The following DRD4 variants were observed in gnomAD, a reference collection of about 807,000 sequenced individuals.
The protein encoded by DRD4 is dopamine receptor D4, also known as D(4) dopamine receptor.
In DRD4, 26 loss-of-function variants were observed where a neutral mutation model predicts 22.1. The observed-to-expected ratio is 1.17, with a 90% confidence interval of 0.86 to 1.63. DRD4 has a LOEUF of 1.63. Among genes scored for constraint, DRD4 ranks in the 40% most tolerant of loss-of-function variants. The pLI, the probability that DRD4 is intolerant of heterozygous loss-of-function variation, is 0.00. For missense variants in DRD4, 913 were observed against 632.4 expected (o/e 1.44, Z -4.76); for synonymous variants, 455 against 306.7 (o/e 1.48, Z -5.05).
Position 639,929 on chromosome 11 carries a change from GCGCCAAGCTGCACGGCCGCGCGCCC to G in DRD4, c.685_709del (p.Lys229AspfsTer109). 6.5e-7 allele frequency: 1 copy of G among 1,543,570 alleles called. No individual in the cohort carries two copies. The highest frequency in any genetic ancestry group is 8.7e-7 in the Non-Finnish European group (1 of 1,153,896). Reference sequence around the variant, plus strand: ...CTGCAGCGCTGGGAGGTGGCACGTCGCGCCAAGCTGCACGGCCGCGCGCCCCGCCGACCCAGCGGCCCTGGCCCGC... The same window carrying G: ...CTGCAGCGCTGGGAGGTGGCACGTCGCGCCGACCCAGCGGCCCTGGCCCGC... On this transcript the variant is annotated frameshift_variant, in exon 3 of 4. Transcript: ENST00000176183. LOFTEE classifies it high-confidence loss of function.
chr11:638,283 C>G lies in DRD4; in HGVS notation c.285+694C>G, dbSNP rs557275192. The stretch of plus-strand genomic sequence containing the variant: ...GCAGCTTAGGGCTGAGCTGGAGACG[C>G]GGTGTCCCCGACTGTGGGGGAGGGG... On this transcript the variant is annotated intron_variant, in intron 1 of 3. Transcript: ENST00000176183. Among the ~76,000 whole-genome samples the G allele has an allele frequency of 5.2e-3, 787 of 152,300 alleles. 1 individual carries two copies. The highest frequency in any genetic ancestry group is 8.3e-3 in the Non-Finnish European group (563 of 68,022).
At chr11:637,632 G>T (rs564644007) in intron 1 of DRD4, 43 bp downstream of exon 1, 2 of 1,536,904 alleles carry the variant, frequency 1.3e-6, no homozygotes, top group Non-Finnish European at 8.7e-7. Context: ...CCTGCTCCTC[G>T]GTTCCCCGTC....
rs957989602 is a variant in DRD4 at position 639,550 on chromosome 11, G to A, written c.398+5G>A. 55 of 1,507,684 alleles carry A rather than the reference G, an allele frequency of 3.6e-5. 2 individuals carry two copies. The highest frequency in any genetic ancestry group is 3.6e-4 in the East Asian group (13 of 35,874). 93.4% of individuals were successfully genotyped at this position (1,507,684 alleles called of 1,614,324 possible). ...GTGCGCCATCAGCGTGGACAGGTGC[G>A]CCGCCCTCCCCGCCCGCGCCCCGGC... On this transcript the variant is annotated splice_donor_5th_base_variant and intron_variant, in intron 2 of 3. Coordinates refer to ENST00000176183, the MANE Select transcript of DRD4 (RefSeq NM_000797.4).
chr11:639,085 A>G (rs932781823), intron 1 of DRD4: 2 of 254,186 alleles, frequency 7.9e-6, no homozygotes, highest in Non-Finnish European at 1.6e-5. Flanking sequence ...CTCCGTCTCA[A>G]AAAACAAAAA....
chr11:639,061 C>T (rs1589957753), intron 1 of DRD4: 2 of 277,650 alleles, frequency 7.2e-6, no homozygotes, highest in East Asian at 1.1e-4. Context: ...CCAGCCTGGG[C>T]AACAAGAGCG....
In DRD4 at chr11:640,490, A is replaced by G; in HGVS notation, c.1147A>G (p.Ser383Gly). The G allele has an allele frequency of 1.9e-6, 3 of 1,602,168 alleles. No individual in the cohort carries two copies. In the African/African-American group the frequency reaches 4.0e-5, roughly 21 times the overall value. Residue 383 changes from serine (S) to glycine (G), a missense_variant, in exon 4 of 4, where the codon AGC becomes GGC. Ser to Gly is a moderately conservative substitution (Grantham distance 56). Coordinates refer to ENST00000176183, the MANE Select transcript of DRD4 (RefSeq NM_000797.4). ...CTGCTCCGTGCCCCCGCGGCTGGTCAGCGCCGTCACCTGGCTGGGCTACGT... is the reference window on the plus strand; with the variant it reads ...CTGCTCCGTGCCCCCGCGGCTGGTCGGCGCCGTCACCTGGCTGGGCTACGT... ...PACSVPPRLVSAVTWLGYVNS... is the reference protein window; with the variant it reads ...PACSVPPRLVGAVTWLGYVNS...
intron 1 of DRD4, 185 bp from the exon 2 acceptor site, chr11:639,248 C>T: frequency 1.6e-6 from 1 of 621,804 alleles, no homozygotes; most frequent in South Asian, 1.8e-5. Flanking sequence ...CAGCGAGACC[C>T]TAACTCAAAA....
rs780489371 is a variant in DRD4 at position 639,817 on chromosome 11, C to T, written c.568C>T (p.Arg190Cys). Residue 190 changes from arginine (R) to cysteine (C), a missense_variant, in exon 3 of 4, where the codon CGC becomes TGC. Arg to Cys is a radical substitution (Grantham distance 180, BLOSUM62 -3). Coordinates refer to ENST00000176183, the MANE Select transcript of DRD4 (RefSeq NM_000797.4). ...RDPAVCRLED[R>C]DYVVYSSVCS... ...CCCCGCCGTGTGCCGCCTGGAGGAC[C>T]GCGACTACGTGGTCTACTCGTCCGT... The T allele has an allele frequency of 5.7e-6, 9 of 1,582,820 alleles. No homozygotes were observed. Among genetic ancestry groups the T allele is most frequent in the Non-Finnish European group, 7.7e-6 (9 of 1,172,538 alleles).
chr11:640,146 CG>C lies in DRD4; in HGVS notation c.899del (p.Gly300AlafsTer46). On this transcript the variant is annotated frameshift_variant, in exon 3 of 4. Transcript: ENST00000176183. LOFTEE classifies it high-confidence loss of function. ...GCCCCGACTGTGCGCCCCCCGCGCC[CG>C]GCCTCCCCCCGGACCCCTGCGGCTC... Reference protein sequence around the residue: ...CGPDCAPPAPGLPPDPCGSNC... With the variant: ...CGPDCAPPAPXLPPDPCGSNC... The C allele has an allele frequency of 6.8e-7, 1 of 1,474,256 alleles. No individual in the cohort carries two copies. Among genetic ancestry groups the C allele is most frequent in the Non-Finnish European group, 8.9e-7 (1 of 1,117,866 alleles). The allele number at this position is 1,474,256 out of a possible 1,614,324, so 91.3% of individuals were successfully genotyped here.
Position 639,505 on chromosome 11 carries a change from A to ACCGCCTCCATCTTCAACCTGTGCG in DRD4, c.361_384dup (p.Ala121_Ala128dup). On this transcript the variant is annotated inframe_insertion, in exon 2 of 4. Coordinates refer to ENST00000176183, the MANE Select transcript of DRD4 (RefSeq NM_000797.4). Reference sequence around the variant, plus strand: ...CATGGCCATGGACGTCATGCTGTGCACCGCCTCCATCTTCAACCTGTGCGC... The same window carrying ACCGCCTCCATCTTCAACCTGTGCG: ...CATGGCCATGGACGTCATGCTGTGCACCGCCTCCATCTTCAACCTGTGCGCCGCCTCCATCTTCAACCTGTGCGC... 6.2e-7 allele frequency: 1 copy of ACCGCCTCCATCTTCAACCTGTGCG among 1,603,092 alleles called. No homozygotes were observed. Among genetic ancestry groups the ACCGCCTCCATCTTCAACCTGTGCG allele is most frequent in the Non-Finnish European group, 8.5e-7 (1 of 1,178,818 alleles).
rs758752437 is a variant in DRD4, at chr11:637,550, C to T, written c.246C>T (p.Leu82=). 5 of 1,557,918 alleles carry T rather than the reference C, an allele frequency of 3.2e-6. No homozygotes were observed. Among genetic ancestry groups the T allele is most frequent in the Non-Finnish European group, 3.5e-6 (4 of 1,155,850 alleles). ...TGAGCCTGGCGGCCGCCGACCTCCT[C>T]CTCGCTCTCCTGGTGCTGCCGCTCT... The part of the protein sequence containing the change: ...FIVSLAAADL[L]LALLVLPLFV... The change falls in exon 1 of 4, where the codon CTC becomes CTT. Residue 82 remains leucine (L), a synonymous_variant. Transcript: ENST00000176183.
In DRD4 at chr11:639,339, G is replaced by A. The variant is rs567302754; in HGVS notation, c.286-94G>A. ...GGCTCACAGCCGGGCCCCCTTCTCC[G>A]TATTCAGCCCTGGAACTACCCATAA... is the stretch of plus-strand genomic sequence containing the variant. On this transcript the variant is annotated intron_variant, in intron 1 of 3. Transcript: ENST00000176183. The A allele has an allele frequency of 3.7e-4, 445 of 1,216,130 alleles. 3 individuals are homozygous for A. Among genetic ancestry groups the A allele is most frequent in the Middle Eastern group, 4.1e-4 (2 of 4,868 alleles). The allele number at this position is 1,216,130 out of a possible 1,614,324, so 75.3% of individuals were successfully genotyped here. A position where few individuals can be genotyped will look rare whatever the true frequency, so the allele number is the denominator to read the frequency against.
In DRD4 at chr11:638,238, C is replaced by T. The variant is rs12720395; in HGVS notation, c.285+649C>T. ...CGAGTGGGTCGGCCTTGGTGCCAGC[C>T]CCTCTGCGGCCAGAGAAAAGCAGCT... On this transcript the variant is annotated intron_variant, in intron 1 of 3. Coordinates refer to ENST00000176183, the MANE Select transcript of DRD4 (RefSeq NM_000797.4). Among the ~76,000 whole-genome samples, 529 of 152,282 alleles carry T rather than the reference C, an allele frequency of 3.5e-3. 2 individuals carry two copies. The highest frequency in any genetic ancestry group is 0.012 in the African/African-American group (502 of 41,550).
In DRD4 at chr11:637,457, G is replaced by A; in HGVS notation, c.153G>A (p.Gly51=). Residue 51 remains glycine (G), a synonymous_variant, in exon 1 of 4, where the codon GGG becomes GGA. Coordinates refer to ENST00000176183, the MANE Select transcript of DRD4 (RefSeq NM_000797.4). ...TGCTCATCGGCGCGGTGCTCGCGGG[G>A]AACTCGCTCGTGTGCGTGAGCGTGG... ...GVLLIGAVLA[G]NSLVCVSVAT... is the part of the protein sequence containing the mutation. 3 of 1,535,522 alleles carry A rather than the reference G, an allele frequency of 2.0e-6. No homozygotes were observed. The highest frequency in any genetic ancestry group is 1.4e-5 in the African/African-American group (1 of 73,126).
Position 639,546 on chromosome 11 carries a change from G to C in DRD4, c.398+1G>C, listed in dbSNP as rs755187423. On this transcript the variant is annotated splice_donor_variant, in intron 2 of 3. Transcript: ENST00000176183. LOFTEE classifies it high-confidence loss of function. ...ACCTGTGCGCCATCAGCGTGGACAG[G>C]TGCGCCGCCCTCCCCGCCCGCGCCC... The C allele has an allele frequency of 1.3e-6, 2 of 1,534,212 alleles. No homozygotes were observed. The highest frequency in any genetic ancestry group is 8.7e-7 in the Non-Finnish European group (1 of 1,147,226).
intron 1 of DRD4, among the ~76,000 whole-genome samples, chr11:638,591 A>G (rs1858122454): frequency 1.3e-5 from 2 of 152,148 alleles, no homozygotes; most frequent in African/African-American, 4.8e-5. Context: ...TGTGGATACT[A>G]TCATCACCCT....
rs749224739 is a variant in DRD4 at position 637,571 on chromosome 11, G to A, written c.267G>A (p.Pro89=). 10 of 1,553,736 alleles carry A rather than the reference G, an allele frequency of 6.4e-6. No homozygotes were observed. Among genetic ancestry groups the A allele is most frequent in the Non-Finnish European group, 7.8e-6 (9 of 1,153,530 alleles). The change falls in exon 1 of 4, where the codon CCG becomes CCA. Residue 89 remains proline, a synonymous_variant. Coordinates refer to ENST00000176183, the MANE Select transcript of DRD4 (RefSeq NM_000797.4). ...ADLLLALLVL[P]LFVYSEVQGG... ...TCCTCCTCGCTCTCCTGGTGCTGCC[G>A]CTCTTCGTCTACTCCGAGGTGAGCC...
At chr11:637,715 G>A (rs1490449840) in intron 1 of DRD4, 126 bp downstream of exon 1, 2 of 1,494,932 alleles carry the variant, frequency 1.3e-6, no homozygotes, top group African/African-American at 2.8e-5. Flanking sequence ...GCGGCGGCAG[G>A]GGCGCTGCGC....
intron 3 of DRD4, 22 bp downstream of exon 3, chr11:640,328 CGGGGAGGAGAGGAG>C: frequency 9.1e-7 from 1 of 1,094,310 alleles, no homozygotes; most frequent in Non-Finnish European, 1.3e-6. Flanking sequence ...TCCTGAGGGG[CGGGGAGGAGAGGAG>C]GGGGGGGGTA....
Sources: allele counts gnomAD v4.1 joint callset (sites outside exome capture counted in the v4.1 genomes callset), GRCh38; gene constraint gnomAD v4.1.1; transcripts MANE v1.5; gene names NCBI Gene and HGNC (gene_info 2026-07-23, HGNC 2026-07-21).